The following PRIM2 variants were observed in gnomAD, a reference collection of about 807,000 sequenced individuals.
PRIM2 encodes the protein DNA primase large subunit.
In PRIM2, 39 loss-of-function variants were observed where a neutral mutation model predicts 67.3. The observed-to-expected ratio is 0.58, with a 90% confidence interval of 0.45 to 0.76. PRIM2 has a LOEUF of 0.76. PRIM2 is among the 30% of genes least tolerant of loss of function. The probability of loss-of-function intolerance (pLI) is 0.00; values close to 1 mark genes in which losing one functional copy is unlikely to be tolerated. For synonymous variants in PRIM2, 143 were observed against 198.7 expected (o/e 0.72, Z 2.36); for missense variants, 398 against 598.7 (o/e 0.66, Z 3.50).
At chr6:57,543,294 T>G (rs1469528801) in intron 10 of PRIM2, among the ~76,000 whole-genome samples, 1 of 152,178 alleles carries the variant, frequency 6.6e-6, no homozygotes, top group Non-Finnish European at 1.5e-5. Flanking sequence ...TAGTGCTAAT[T>G]AAAGGACTTG....
At chr6:57,634,394 CA>C (rs1227744186) in intron 13 of PRIM2, among the ~76,000 whole-genome samples, 2 of 152,186 alleles carry the variant, frequency 1.3e-5, no homozygotes, top group African/African-American at 2.4e-5. Context: ...AAACAAAACT[CA>C]AGGAGTAAAC....
At chr6:57,499,868 T>C (rs1554346688) in intron 7 of PRIM2, among the ~76,000 whole-genome samples, 1 of 152,208 alleles carries the variant, frequency 6.6e-6, no homozygotes, top group Non-Finnish European at 1.5e-5. Flanking sequence ...TATGGGAAGG[T>C]TTAGCCAGTT....
chr6:57,323,072 C>A (rs1767713855), intron 3 of PRIM2, among the ~76,000 whole-genome samples: 1 of 149,048 alleles, frequency 6.7e-6, no homozygotes, highest in Non-Finnish European at 1.5e-5. Flanking sequence ...AGTAGTGCCT[C>A]CCTCATAGGG....
At chr6:57,287,448 T>A in the PRIM2 span, among the ~76,000 whole-genome samples, 2 of 152,200 alleles carry the variant, frequency 1.3e-5, no homozygotes, top group Non-Finnish European at 2.9e-5. Flanking sequence ...AATGAGTTCA[T>A]GTCCTTTGCA....
intron 5 of PRIM2, among the ~76,000 whole-genome samples, chr6:57,332,470 T>C (rs995703744): frequency 2.0e-5 from 3 of 152,178 alleles, no homozygotes; most frequent in Non-Finnish European, 2.9e-5. Flanking sequence ...AGTGGGGTAC[T>C]AAAGTCTTCA....
intron 12 of PRIM2, among the ~76,000 whole-genome samples, chr6:57,617,914 G>T (rs1454390704): frequency 1.1e-4 from 16 of 152,312 alleles, no homozygotes; most frequent in African/African-American, 3.4e-4. Context: ...GTTAATTTTT[G>T]TAGATGGTAT....
intron 5 of PRIM2, among the ~76,000 whole-genome samples, chr6:57,344,029 A>G (rs565993946): frequency 3.3e-5 from 5 of 152,284 alleles, no homozygotes; most frequent in African/African-American, 1.2e-4. Flanking sequence ...CTTACTTAGC[A>G]GGATTCTCAC....
intron 10 of PRIM2, chr6:57,586,914 C>T (rs1776198644): frequency 6.6e-6 from 1 of 152,140 alleles, no homozygotes. Context: ...ACCTTAAAGG[C>T]AATCATCAGT....
chr6:57,427,910 T>C (rs1642628116), intron 7 of PRIM2, among the ~76,000 whole-genome samples: 1 of 152,164 alleles, frequency 6.6e-6, no homozygotes, highest in South Asian at 2.1e-4. Context: ...TTCTTATAAA[T>C]GCAACTTGGA....
chr6:57,618,205 T>A (rs1402831384), intron 12 of PRIM2, among the ~76,000 whole-genome samples: 1 of 152,236 alleles, frequency 6.6e-6, no homozygotes, highest in Admixed American at 6.5e-5. Context: ...TTCAATATTA[T>A]TTTGGCTATC....
chr6:57,400,132 G>C (rs1770656180), intron 7 of PRIM2, among the ~76,000 whole-genome samples: 2 of 152,288 alleles, frequency 1.3e-5, no homozygotes, highest in Admixed American at 1.3e-4. Context: ...GTGTACATTT[G>C]ATCCTGTCAT....
intron 7 of PRIM2, among the ~76,000 whole-genome samples, chr6:57,392,509 T>C (rs983801350): frequency 1.3e-5 from 2 of 152,104 alleles, no homozygotes; most frequent in African/African-American, 4.8e-5. Context: ...TCAAAATTCT[T>C]TCCTAAATCC....
At chr6:57,517,141 T>G (rs1581965104) in intron 8 of PRIM2, among the ~76,000 whole-genome samples, 1 of 152,356 alleles carries the variant, frequency 6.6e-6, no homozygotes, top group Non-Finnish European at 1.5e-5. Flanking sequence ...TGATTTCTTA[T>G]GCTTTTTTAA....
intron 8 of PRIM2, among the ~76,000 whole-genome samples, chr6:57,530,929 C>A (rs1413910210): frequency 6.6e-6 from 1 of 152,066 alleles, no homozygotes; most frequent in Non-Finnish European, 1.5e-5. Flanking sequence ...TCTTGAACTT[C>A]TGGGCTCAAG....
intron 10 of PRIM2, among the ~76,000 whole-genome samples, chr6:57,559,058 A>G (rs1259973300): frequency 6.6e-6 from 1 of 151,722 alleles, no homozygotes; most frequent in Non-Finnish European, 1.5e-5. Context: ...TGAGCCCAGG[A>G]GTTCAAGGTT....
chr6:57,365,830 G>A lies in PRIM2; in HGVS notation c.460-14071G>A, dbSNP rs141614477. Among the ~76,000 whole-genome samples the A allele has an allele frequency of 6.0e-3, 903 of 151,742 alleles. 6 individuals carry two copies. Among genetic ancestry groups the A allele is most frequent in the African/African-American group, 0.021 (861 of 41,370 alleles). ...AAAAATCAGCTGGGCATGGTGGCGC[G>A]TTAGCACGCCTGTAATCCCAGGCTA... On this transcript the variant is annotated intron_variant, in intron 5 of 13. Transcript: ENST00000615550.
chr6:57,514,955 A>G (rs1188895416), intron 8 of PRIM2, among the ~76,000 whole-genome samples: 48 of 152,310 alleles, frequency 3.2e-4, no homozygotes, highest in Non-Finnish European at 5.9e-4. Context: ...TATGAGAAGC[A>G]GTATCTGCAT....
chr6:57,314,353 A>T (rs939526388), upstream of PRIM2, among the ~76,000 whole-genome samples: 8 of 152,106 alleles, frequency 5.3e-5, no homozygotes, highest in Non-Finnish European at 1.0e-4. Context: ...CGTCTCTACT[A>T]AAAAAGCAAA....
At chr6:57,284,524 T>C in the PRIM2 span, among the ~76,000 whole-genome samples, 1 of 152,166 alleles carries the variant, frequency 6.6e-6, no homozygotes. Context: ...TATCAAAATA[T>C]ATAGACTGAA....
Sources: allele counts gnomAD v4.1 joint callset (sites outside exome capture counted in the v4.1 genomes callset), GRCh38; gene constraint gnomAD v4.1.1; transcripts MANE v1.5; gene names NCBI Gene and HGNC (gene_info 2026-07-23, HGNC 2026-07-21).